Variants in PER2 observed in about 807,000 individuals in gnomAD.
PER2 encodes period circadian protein homolog 2.
Under a neutral mutation model 121.0 loss-of-function variants are expected in PER2, and 66 were observed. That is an observed-to-expected ratio of 0.55 (90% confidence interval 0.45 to 0.67). PER2 has a LOEUF of 0.67. PER2 is among the 30% of genes least tolerant of loss of function. The pLI is 0.00. For synonymous variants in PER2, 684 were observed against 659.9 expected, an observed-to-expected ratio of 1.04 and a Z score of -0.56; for missense variants, 1,521 against 1,635.0, an observed-to-expected ratio of 0.93 and a Z score of 1.20.
chr2:238,254,279 T>C (rs919583055), intron 18 of PER2: 1 of 161,038 alleles, frequency 6.2e-6, no homozygotes, highest in Admixed American at 6.0e-5. Flanking sequence ...TTCAGGAAGA[T>C]GGAGGGACTC....
rs1237678837 is a variant in PER2, at chr2:238,252,934, T to C, written c.3089A>G (p.Gln1030Arg). ...ADCKPGTSRD[Q>R]QPKAPLTRDE... ...TACGGTCAGAGGCGCCTTCGGCTGC[T>C]GGTCCCGAGAAGTGCCAGGTTTGCA... The change falls in exon 19 of 23, where the codon CAG becomes CGG. Residue 1030 changes from glutamine to arginine, a missense_variant. By Grantham distance (43) the Gln-to-Arg change is conservative. Coordinates refer to ENST00000254657, the MANE Select transcript of PER2 (RefSeq NM_022817.3). The surrounding 1 kb of genome is among the most constrained non-coding windows in gnomAD (Gnocchi z 4.2). The C allele has an allele frequency of 1.2e-6, 2 of 1,613,786 alleles. No individual in the cohort carries two copies. Among genetic ancestry groups the C allele is most frequent in the African/African-American group, 1.3e-5 (1 of 75,058 alleles).
chr2:238,283,971 C>T (rs1281667392), intron 1 of PER2, among the ~76,000 whole-genome samples: 1 of 151,986 alleles, frequency 6.6e-6, no homozygotes, highest in Non-Finnish European at 1.5e-5. Flanking sequence ...AGCTGGGTTC[C>T]ACCACCTCCT....
At position 238,272,826 on chromosome 2, in the gene PER2, C is replaced by T. The variant is rs563513531; in HGVS notation, c.570+244G>A. Among the ~76,000 whole-genome samples, 11 of 152,332 alleles carry T rather than the reference C, an allele frequency of 7.2e-5. No individual in the cohort carries two copies. The South Asian group carries it at 2.3e-3, about 32-fold the overall frequency. On this transcript the variant is annotated intron_variant, in intron 5 of 22. Transcript: ENST00000254657. ...AGTCACACTGGGTTTGCCCTTGCAC[C>T]CATGAGCTACAGGACAAAGTTGGTC...
Position 238,250,643 on chromosome 2 carries a change from C to T in PER2, c.3375G>A (p.Glu1125=). The part of the protein sequence containing the change: ...AKMNTGMEES[E]HFIKCVLQDP... Reference sequence around the variant, plus strand: ...CCTGCAGGACGCACTTAATGAAATGCTCACTTTCTTCCATACCAGTGTTCA... The same window carrying T: ...CCTGCAGGACGCACTTAATGAAATGTTCACTTTCTTCCATACCAGTGTTCA... Residue 1125 remains glutamate (E), a synonymous_variant, in exon 21 of 23, where the codon GAG becomes GAA. Coordinates refer to ENST00000254657, the MANE Select transcript of PER2 (RefSeq NM_022817.3). 1 of 1,613,394 alleles carries T rather than the reference C, an allele frequency of 6.2e-7. No individual in the cohort carries two copies. The highest frequency in any genetic ancestry group is 1.1e-5 in the South Asian group (1 of 91,064).
chr2:238,261,132 C>A (rs1182372391), intron 12 of PER2, among the ~76,000 whole-genome samples, 179 bp from the exon 13 acceptor site: 1 of 152,256 alleles, frequency 6.6e-6, no homozygotes, highest in Non-Finnish European at 1.5e-5. Flanking sequence ...GACTCCTGGC[C>A]TCCAGCCGCG....
intron 1 of PER2, among the ~76,000 whole-genome samples, chr2:238,282,906 C>T (rs1370114016): frequency 6.6e-6 from 1 of 152,240 alleles, no homozygotes; most frequent in African/African-American, 2.4e-5. Context: ...CGTGTGTGAA[C>T]TGACTCAGGG....
intron 20 of PER2, 94 bp downstream of exon 20, chr2:238,251,505 C>T: frequency 8.6e-7 from 1 of 1,161,338 alleles, no homozygotes; most frequent in South Asian, 1.2e-5. Context: ...GCCGGTGATC[C>T]CTGTTCTGAG....
chr2:238,285,794 C>T (rs139023734), intron 1 of PER2, among the ~76,000 whole-genome samples: 1 of 152,266 alleles, frequency 6.6e-6, no homozygotes, highest in Non-Finnish European at 1.5e-5. Context: ...TGCCTGTTTT[C>T]GAACTTTACA....
At chr2:238,288,619 A>T (rs1466240076), upstream of PER2, 3 of 150,704 alleles carry the variant, frequency 2.0e-5, no homozygotes, top group East Asian at 5.9e-4. Context: ...CGTAAGCCGC[A>T]GCGGGGCCGC....
chr2:238,271,179 C>G, intron 6 of PER2, 133 bp downstream of exon 6: 1 of 783,374 alleles, frequency 1.3e-6, no homozygotes, highest in Non-Finnish European at 2.3e-6. Context: ...TTTGCCAGAG[C>G]AGGCAGCTGG....
In PER2 at chr2:238,261,232, C is replaced by T. The variant is rs181670102; in HGVS notation, c.1417-279G>A. Among the ~76,000 whole-genome samples, 592 of 152,354 alleles carry T rather than the reference C, an allele frequency of 3.9e-3. 7 individuals carry two copies. Among genetic ancestry groups the T allele is most frequent in the South Asian group, 0.026 (126 of 4,832 alleles). ...ATCAACGCATGGCTGCAGCCAGCCACGCCTCTGTGGATGGGTTTAAAACAA... is the reference window on the plus strand; with the variant it reads ...ATCAACGCATGGCTGCAGCCAGCCATGCCTCTGTGGATGGGTTTAAAACAA... On this transcript the variant is annotated intron_variant, in intron 12 of 22. Transcript: ENST00000254657.
At chr2:238,279,830 G>C (rs1025850156) in intron 1 of PER2, among the ~76,000 whole-genome samples, 1 of 152,168 alleles carries the variant, frequency 6.6e-6, no homozygotes, top group African/African-American at 2.4e-5. Flanking sequence ...CAAAGTGAAG[G>C]TGCGTCCGGC....
intron 12 of PER2, among the ~76,000 whole-genome samples, chr2:238,261,212 C>T (rs1432890008): frequency 6.6e-6 from 1 of 152,236 alleles, no homozygotes; most frequent in Non-Finnish European, 1.5e-5. Context: ...CGCTCATCAA[C>T]GCATGGCTGC....
intron 5 of PER2, 43 bp downstream of exon 5, chr2:238,273,027 A>C (rs772336032): frequency 6.2e-7 from 1 of 1,603,552 alleles, no homozygotes; most frequent in Non-Finnish European, 8.5e-7. Flanking sequence ...TGCAGGAGGA[A>C]CTCCTGCCAT....
chr2:238,261,502 C>T (rs898157756), intron 12 of PER2: 9 of 592,420 alleles, frequency 1.5e-5, no homozygotes, highest in Non-Finnish European at 2.5e-5. Context: ...TCACTCAGGG[C>T]TGCAGTTCAG....
At chr2:238,280,211 A>G (rs1696588227) in intron 1 of PER2, among the ~76,000 whole-genome samples, 1 of 152,208 alleles carries the variant, frequency 6.6e-6, no homozygotes, top group Non-Finnish European at 1.5e-5. Flanking sequence ...CTGAATGGCT[A>G]AGCTCCAACA....
chr2:238,266,010 T>C (rs1024446590), intron 8 of PER2, among the ~76,000 whole-genome samples: 1 of 152,030 alleles, frequency 6.6e-6, no homozygotes, highest in African/African-American at 2.4e-5. Flanking sequence ...TTCAAGCGAT[T>C]CTCCTGCTTC....
rs567257178 is a variant in PER2, at chr2:238,268,516, C to A, written c.825-318G>T. 1.3e-3 allele frequency among the ~76,000 whole-genome samples: 197 copies of A among 152,330 alleles called. 2 individuals are homozygous for A. Among genetic ancestry groups the A allele is most frequent in the South Asian group, 5.8e-3 (28 of 4,834 alleles). ...GACTCCTGAGGGTGCCAGGGTCTGG[C>A]TCGGGGTCACTCCTGACAGTGCAGC... On this transcript the variant is annotated intron_variant, in intron 7 of 22. Transcript: ENST00000254657. This position sits in a 1 kb window ranked among gnomAD's most constrained non-coding sequence, Gnocchi z 4.0.
chr2:238,293,560 C>G (rs1696997374), upstream of PER2, among the ~76,000 whole-genome samples: 1 of 151,988 alleles, frequency 6.6e-6, no homozygotes, highest in South Asian at 2.1e-4. Context: ...CATGGTGAAA[C>G]TCCGTCTCTA....
Sources: gnomAD v4.1 joint callset for allele counts (sites outside exome capture counted in the v4.1 genomes callset) on GRCh38, gnomAD v4.1.1 for gene constraint, Gnocchi (gnomAD v3.1) non-coding constraint, MANE v1.5 for transcripts, NCBI Gene and HGNC (gene_info 2026-07-23, HGNC 2026-07-21) for gene names.